The following CMC2 variants were observed in gnomAD, a reference collection of about 807,000 sequenced individuals.
The protein encoded by CMC2 is COX assembly mitochondrial protein 2 homolog.
In CMC2, 5 loss-of-function variants were observed where a neutral mutation model predicts 7.5. The observed-to-expected ratio is 0.66, with a 90% CI of 0.35 to 1.40. CMC2 has a LOEUF of 1.40. Ranked by LOEUF, CMC2 falls within the 40% of genes most tolerant of loss-of-function variation. The pLI, the probability that CMC2 is intolerant of heterozygous loss-of-function variation, is 0.04. For missense variants in CMC2, 115 were observed against 92.3 expected (o/e 1.25, Z -1.01); for synonymous variants, 37 against 31.4 (o/e 1.18, Z -0.60).
chr16:80,976,680 A>G (rs1283440753), intron 3 of CMC2, among the ~76,000 whole-genome samples: 1 of 152,160 alleles, frequency 6.6e-6, no homozygotes, highest in Non-Finnish European at 1.5e-5. Context: ...AAACTCCTTG[A>G]GAGGTAGCCT....
rs1299828998 is a variant in CMC2, at chr16:80,976,952, C to CA, written c.154-774dup. Among the ~76,000 whole-genome samples the CA allele has an allele frequency of 1.5e-3, 212 of 145,132 alleles. 1 individual carries two copies. The highest frequency in any genetic ancestry group is 2.1e-3 in the Non-Finnish European group (136 of 65,712). On this transcript the variant is annotated intron_variant, in intron 3 of 3. Transcript: ENST00000219400. ...GCACTTTAACATTAATGCCCCTTAC[C>CA]AAAAAAAAAAATCACAACCAAAATT...
At chr16:80,997,096 C>G (rs556176728) in intron 2 of CMC2, 55 of 570,930 alleles carry the variant, frequency 9.6e-5, no homozygotes, top group African/African-American at 9.4e-4. Flanking sequence ...CAGACGTTCC[C>G]TAACAAACTA....
intron 2 of CMC2, among the ~76,000 whole-genome samples, chr16:80,994,209 A>G (rs1042651881): frequency 6.6e-6 from 1 of 152,224 alleles, no homozygotes; most frequent in African/African-American, 2.4e-5. Context: ...GAAATCTCAG[A>G]TAAGAATACA....
At chr16:80,996,626 A>G (rs1335765933) in intron 2 of CMC2, among the ~76,000 whole-genome samples, 1 of 152,226 alleles carries the variant, frequency 6.6e-6, no homozygotes, top group Non-Finnish European at 1.5e-5. Context: ...TTATATTATT[A>G]TAATTTGATA....
intron 2 of CMC2, among the ~76,000 whole-genome samples, chr16:80,994,870 G>A (rs764505421): frequency 2.4e-4 from 37 of 152,240 alleles, no homozygotes; most frequent in Non-Finnish European, 4.4e-4. Flanking sequence ...TGATGGCTGG[G>A]TGCGGTGGCT....
Position 80,968,796 on chromosome 16 carries a change from A to G in CMC2, c.*7297T>C, listed in dbSNP as rs2151601334. ...TTGAAATCAGAGAGAACTGTAAACC[A>G]GAAAGTAAGTGCATCAGCACATGCT... On this transcript the variant is annotated 3_prime_UTR_variant, in exon 4 of 4. Transcript: ENST00000219400. 6.6e-6 allele frequency: 1 copy of G among 152,348 alleles called. No individual in the cohort carries two copies. The highest frequency in any genetic ancestry group is 2.4e-5 in the African/African-American group (1 of 41,570). 9.4% of individuals were successfully genotyped at this position (152,348 alleles called of 1,614,324 possible). A position where few individuals can be genotyped will look rare whatever the true frequency, so the allele number is the denominator to read the frequency against.
chr16:80,987,755 G>A (rs925056307), intron 2 of CMC2, among the ~76,000 whole-genome samples: 9 of 152,172 alleles, frequency 5.9e-5, no homozygotes, highest in African/African-American at 2.2e-4. Flanking sequence ...GGAGAGCACT[G>A]CAGCATTCCA....
intron 2 of CMC2, among the ~76,000 whole-genome samples, chr16:80,986,474 A>G (rs12925339): frequency 2.0e-5 from 3 of 151,594 alleles, no homozygotes; most frequent in African/African-American, 7.3e-5. Flanking sequence ...AAAAAAAGGT[A>G]ACAATGATTA....
At chr16:81,006,080 T>C (rs964912916) in intron 1 of CMC2, among the ~76,000 whole-genome samples, 6 of 152,210 alleles carry the variant, frequency 3.9e-5, no homozygotes. Flanking sequence ...AAAACTTCCA[T>C]GCCTTTGAGG....
chr16:81,004,351 T>A (rs1006887473), intron 1 of CMC2, among the ~76,000 whole-genome samples: 2 of 152,214 alleles, frequency 1.3e-5, no homozygotes, highest in Non-Finnish European at 2.9e-5. Context: ...ATTATTTGAA[T>A]AGAATAATAT....
Position 80,973,386 on chromosome 16 carries a change from G to A in CMC2, c.*2707C>T, listed in dbSNP as rs745408834. ...CCAATACCCCAATTTGGGTGCACTT[G>A]AGAGAAAAACAATATTGAGGGGGCC... On this transcript the variant is annotated 3_prime_UTR_variant, in exon 4 of 4. Coordinates refer to ENST00000219400, the MANE Select transcript of CMC2 (RefSeq NM_020188.5). The A allele has an allele frequency of 6.6e-6, 1 of 152,162 alleles. No individual in the cohort carries two copies. The highest frequency in any genetic ancestry group is 2.4e-5 in the African/African-American group (1 of 41,422). The allele number at this position is 152,162 out of a possible 1,614,324, so 9.4% of individuals were successfully genotyped here.
Position 80,967,689 on chromosome 16 carries a change from T to C in CMC2, c.*8404A>G, listed in dbSNP as rs1385201681. ...GCAAGTCCAATCATTAGCTCAATAATCCAATCATAGCATTTTAGGAAATAT... is the reference window on the plus strand; with the variant it reads ...GCAAGTCCAATCATTAGCTCAATAACCCAATCATAGCATTTTAGGAAATAT... On this transcript the variant is annotated 3_prime_UTR_variant, in exon 4 of 4. Transcript: ENST00000219400. The C allele has an allele frequency of 6.6e-6, 1 of 152,206 alleles. No homozygotes were observed. The highest frequency in any genetic ancestry group is 1.9e-4 in the East Asian group (1 of 5,194). 9.4% of individuals were successfully genotyped at this position (152,206 alleles called of 1,614,324 possible). A position where few individuals can be genotyped will look rare whatever the true frequency, so the allele number is the denominator to read the frequency against.
rs1011516033 is a variant in CMC2 at position 81,006,811 on chromosome 16, G to A, written c.-113C>T. The A allele has an allele frequency of 3.7e-5, 36 of 985,524 alleles. No homozygotes were observed. Among genetic ancestry groups the A allele is most frequent in the South Asian group, 9.4e-5 (2 of 21,298 alleles). The allele number at this position is 985,524 out of a possible 1,614,324, so 61.0% of individuals were successfully genotyped here. A position where few individuals can be genotyped will look rare whatever the true frequency, so the allele number is the denominator to read the frequency against. Reference sequence around the variant, plus strand: ...CCCGACCCGAAGGCCGGCTGCTAGGGAGCAGACAGCTGAACCGCTTGCCAG... The same window carrying A: ...CCCGACCCGAAGGCCGGCTGCTAGGAAGCAGACAGCTGAACCGCTTGCCAG... On this transcript the variant is annotated 5_prime_UTR_variant, in exon 1 of 4. Transcript: ENST00000219400.
chr16:80,978,355 A>G, intron 3 of CMC2: 7 of 1,265,816 alleles, frequency 5.5e-6, no homozygotes, highest in Non-Finnish European at 7.2e-6. Flanking sequence ...TACAAAGCAA[A>G]TTAAAATATA....
At position 80,979,089 on chromosome 16, in the gene CMC2, A is replaced by T. The variant is rs544359092; in HGVS notation, c.153+2717T>A. 3.7e-4 allele frequency among the ~76,000 whole-genome samples: 51 copies of T among 138,600 alleles called. No homozygotes were observed. In the East Asian group the frequency reaches 4.1e-3, roughly 11 times the overall value. 90.9% of individuals were successfully genotyped at this position (138,600 alleles called of 152,430 possible). On this transcript the variant is annotated intron_variant, in intron 3 of 3. Coordinates refer to ENST00000219400, the MANE Select transcript of CMC2 (RefSeq NM_020188.5). ...GAGTGAGACTCTGGCAAAAAAAATA[A>T]AAAAATAAAAAAGCTTCATGGAATG...
chr16:80,989,801 A>G (rs373686524), intron 2 of CMC2, among the ~76,000 whole-genome samples: 1 of 152,192 alleles, frequency 6.6e-6, no homozygotes, highest in African/African-American at 2.4e-5. Context: ...TTCCACTTCT[A>G]TATTTATGAC....
chr16:80,985,934 G>C (rs1278621718), intron 2 of CMC2, among the ~76,000 whole-genome samples: 4 of 147,102 alleles, frequency 2.7e-5, no homozygotes, highest in African/African-American at 2.5e-5. Context: ...GGAATGAAGG[G>C]GAAGGAGCTG....
intron 2 of CMC2, among the ~76,000 whole-genome samples, chr16:80,989,935 C>T (rs975893040): frequency 6.6e-6 from 1 of 152,224 alleles, no homozygotes; most frequent in Non-Finnish European, 1.5e-5. Context: ...ATCCATACTA[C>T]TAACAACAGC....
rs1597198577 is a variant in CMC2 at position 80,966,582 on chromosome 16, C to G, written c.*9511G>C. ...CTTTAAAACGTGATATTTTATAATACCAATTTCAAAACAATATTATTTTTA... is the reference window on the plus strand; with the variant it reads ...CTTTAAAACGTGATATTTTATAATAGCAATTTCAAAACAATATTATTTTTA... On this transcript the variant is annotated 3_prime_UTR_variant, in exon 4 of 4. Coordinates refer to ENST00000219400, the MANE Select transcript of CMC2 (RefSeq NM_020188.5). 6.6e-6 allele frequency: 1 copy of G among 152,016 alleles called. No individual in the cohort carries two copies. Among genetic ancestry groups the G allele is most frequent in the South Asian group, 2.1e-4 (1 of 4,804 alleles). 9.4% of individuals were successfully genotyped at this position (152,016 alleles called of 1,614,324 possible).
Sources: gnomAD v4.1 joint callset for allele counts (sites outside exome capture counted in the v4.1 genomes callset) on GRCh38, gnomAD v4.1.1 for gene constraint, MANE v1.5 for transcripts, NCBI Gene and HGNC (gene_info 2026-07-23, HGNC 2026-07-21) for gene names.